Variants in MARCHF1 observed in about 807,000 individuals in gnomAD.
The protein encoded by MARCHF1 is E3 ubiquitin-protein ligase MARCHF1.
A neutral mutation model predicts 54.2 loss-of-function variants in MARCHF1; 40 were observed. That is an observed-to-expected ratio of 0.74 (90% confidence interval 0.57 to 0.96). MARCHF1 has a LOEUF of 0.96. Ranked by LOEUF, MARCHF1 falls within the 40% of genes least tolerant of loss-of-function variation. The pLI is 0.00. For missense variants in MARCHF1, 586 were observed against 656.5 expected, an observed-to-expected ratio of 0.89 and a Z score of 1.17; for synonymous variants, 236 against 236.3, an observed-to-expected ratio of 1.00 and a Z score of 0.01.
intron 2 of MARCHF1, among the ~76,000 whole-genome samples, chr4:164,037,174 G>A (rs1291891014): frequency 6.6e-6 from 1 of 152,066 alleles, no homozygotes. Flanking sequence ...GATGTCTAAT[G>A]GATATTCAAG....
rs112204769 is a variant in MARCHF1, at chr4:163,619,943, A to G, written c.163-6550T>C. Among the ~76,000 whole-genome samples, 61 of 152,308 alleles carry G rather than the reference A, an allele frequency of 4.0e-4. 1 individual carries two copies. Among genetic ancestry groups the G allele is most frequent in the African/African-American group, 1.4e-3 (59 of 41,574 alleles). ...AACTTCTAATTTATAAAAAGGAAAC[A>G]CATACACCCATATACCAAAACCATC... On this transcript the variant is annotated intron_variant, in intron 5 of 9. Transcript: ENST00000514618.
chr4:163,632,895 G>A (rs978440782), intron 5 of MARCHF1, among the ~76,000 whole-genome samples: 1 of 152,210 alleles, frequency 6.6e-6, no homozygotes, highest in Non-Finnish European at 1.5e-5. Flanking sequence ...TGCAGCTGGA[G>A]ATCTGAGAAC....
chr4:163,977,155 TATA>T (rs887770722), intron 3 of MARCHF1, among the ~76,000 whole-genome samples: 3 of 151,338 alleles, frequency 2.0e-5, no homozygotes, highest in Non-Finnish European at 2.9e-5. Context: ...ATATAAAATA[TATA>T]ATAATTGTTA....
chr4:164,017,955 A>G (rs1421460350), intron 2 of MARCHF1, among the ~76,000 whole-genome samples: 1 of 151,920 alleles, frequency 6.6e-6, no homozygotes, highest in African/African-American at 2.4e-5. Context: ...GGATGGACAA[A>G]TGGATCAAGA....
At chr4:164,297,076 G>A (rs1488900569) in intron 1 of MARCHF1, among the ~76,000 whole-genome samples, 7 of 152,056 alleles carry the variant, frequency 4.6e-5, no homozygotes, top group Admixed American at 1.3e-4. Flanking sequence ...AAGACTTATC[G>A]TATTAAGAAA....
At chr4:164,069,523 C>T (rs1040040936) in intron 2 of MARCHF1, among the ~76,000 whole-genome samples, 2 of 151,996 alleles carry the variant, frequency 1.3e-5, no homozygotes, top group Non-Finnish European at 2.9e-5. Flanking sequence ...TGAACAACTC[C>T]AGACACGCCG....
chr4:163,888,777 G>A (rs1473741510), intron 3 of MARCHF1, among the ~76,000 whole-genome samples: 1 of 151,980 alleles, frequency 6.6e-6, no homozygotes, highest in African/African-American at 2.4e-5. Context: ...AGGTTTTTTG[G>A]TTGGCAGCCA....
intron 3 of MARCHF1, among the ~76,000 whole-genome samples, chr4:163,930,542 C>T (rs1751649335): frequency 1.3e-5 from 2 of 150,102 alleles, no homozygotes; most frequent in South Asian, 4.2e-4. Context: ...GGTCATAATG[C>T]CCAGATATTC....
chr4:163,838,144 G>C (rs1749240169), intron 4 of MARCHF1, among the ~76,000 whole-genome samples: 1 of 152,046 alleles, frequency 6.6e-6, no homozygotes, highest in African/African-American at 2.4e-5. Context: ...TGCACATATA[G>C]TCATCCCCAG....
At chr4:164,018,121 T>C (rs1753583769) in intron 2 of MARCHF1, among the ~76,000 whole-genome samples, 1 of 151,994 alleles carries the variant, frequency 6.6e-6, no homozygotes, top group Non-Finnish European at 1.5e-5. Flanking sequence ...AAATAAAAAT[T>C]GAACTTTGCT....
At chr4:163,929,342 G>A (rs1270811526) in intron 3 of MARCHF1, among the ~76,000 whole-genome samples, 1 of 151,948 alleles carries the variant, frequency 6.6e-6, no homozygotes, top group African/African-American at 2.4e-5. Flanking sequence ...TATAGGCAAA[G>A]CACTTAAAGC....
chr4:163,594,335 AATATTTAGTAT>A (rs1311778256), intron 7 of MARCHF1, among the ~76,000 whole-genome samples: 15 of 151,872 alleles, frequency 9.9e-5, no homozygotes, highest in Admixed American at 3.9e-4. Context: ...AACTAAATAC[AATATTTAGTAT>A]ATATTTAGTA....
intron 4 of MARCHF1, among the ~76,000 whole-genome samples, chr4:163,790,476 C>G (rs1036267502): frequency 2.0e-5 from 3 of 152,028 alleles, no homozygotes; most frequent in African/African-American, 7.2e-5. Context: ...CAGAATATTT[C>G]ATTTGTCTAT....
intron 1 of MARCHF1, among the ~76,000 whole-genome samples, chr4:164,295,406 G>A (rs752301216): frequency 1.3e-5 from 2 of 151,098 alleles, no homozygotes; most frequent in Non-Finnish European, 1.5e-5. Flanking sequence ...ACATTTTGGG[G>A]TGATGTGTTC....
At chr4:163,586,717 G>C (rs943421103) in intron 7 of MARCHF1, among the ~76,000 whole-genome samples, 2 of 152,104 alleles carry the variant, frequency 1.3e-5, no homozygotes, top group African/African-American at 2.4e-5. Context: ...AAAGTTATGA[G>C]TTTTAAGTAT....
chr4:164,142,821 A>G (rs1756584343), intron 1 of MARCHF1, among the ~76,000 whole-genome samples: 1 of 152,216 alleles, frequency 6.6e-6, no homozygotes, highest in Admixed American at 6.5e-5. Flanking sequence ...AGCTGGACGG[A>G]GAATGACTTT....
chr4:164,120,643 C>T (rs1407390929), intron 1 of MARCHF1, among the ~76,000 whole-genome samples: 2 of 152,026 alleles, frequency 1.3e-5, no homozygotes, highest in Admixed American at 6.6e-5. Context: ...CCTCTCTTAC[C>T]ACAACTGAAT....
chr4:163,805,528 C>T (rs915411784), intron 4 of MARCHF1, among the ~76,000 whole-genome samples: 2 of 152,124 alleles, frequency 1.3e-5, no homozygotes, highest in Non-Finnish European at 2.9e-5. Flanking sequence ...TTAGCTTGTC[C>T]TACTGCACAG....
chr4:163,541,780 A>G (rs1012226426), intron 9 of MARCHF1, among the ~76,000 whole-genome samples: 2 of 152,226 alleles, frequency 1.3e-5, no homozygotes, highest in African/African-American at 4.8e-5. Context: ...CTTTTAAGTT[A>G]GGCAATTTTT....
Sources: gnomAD v4.1 joint callset for allele counts (sites outside exome capture counted in the v4.1 genomes callset) on GRCh38, gnomAD v4.1.1 for gene constraint, MANE v1.5 for transcripts, NCBI Gene and HGNC (gene_info 2026-07-23, HGNC 2026-07-21) for gene names.